TRPS1: variants seen among roughly 807,000 people sequenced by gnomAD.
TRPS1 encodes zinc finger transcription factor Trps1.
Under a neutral mutation model 101.2 loss-of-function variants are expected in TRPS1, and 6 were observed. That is an observed-to-expected ratio of 0.06 (90% CI 0.03 to 0.12). TRPS1 has a LOEUF of 0.12. Ranked by LOEUF, TRPS1 falls within the 10% of genes least tolerant of loss-of-function variation. The pLI is 1.00. For synonymous variants in TRPS1, 578 were observed against 589.8 expected (o/e 0.98, Z 0.29); for missense variants, 1,363 against 1,567.0 (o/e 0.87, Z 2.20).
At chr8:115,537,580 T>C (rs1159727712) in intron 5 of TRPS1, among the ~76,000 whole-genome samples, 2 of 152,310 alleles carry the variant, frequency 1.3e-5, no homozygotes, top group South Asian at 2.1e-4. Context: ...ATAACTTGTC[T>C]TCTGATAATG....
intron 5 of TRPS1, among the ~76,000 whole-genome samples, chr8:115,543,970 T>C (rs1379428484): frequency 6.6e-6 from 1 of 152,092 alleles, no homozygotes; most frequent in African/African-American, 2.4e-5. Flanking sequence ...CATTAAGACA[T>C]GGAATTTAAA....
At chr8:115,553,221 T>A (rs1024637345) in intron 5 of TRPS1, among the ~76,000 whole-genome samples, 1 of 152,040 alleles carries the variant, frequency 6.6e-6, no homozygotes, top group Non-Finnish European at 1.5e-5. Flanking sequence ...AAGTAGTATT[T>A]TTTGTTGCTT....
At chr8:115,453,018 C>A (rs1042130964) in intron 5 of TRPS1, among the ~76,000 whole-genome samples, 2 of 151,938 alleles carry the variant, frequency 1.3e-5, no homozygotes, top group African/African-American at 4.8e-5. Context: ...GCTTGTCCTC[C>A]ACTTTCAATT....
In TRPS1 at chr8:115,418,482, A is replaced by G. The variant is rs1812976167; in HGVS notation, c.2701-30T>C. ...AACAGGGGAAAAAAACCAAGGTCAG[A>G]GGTGAGTCACATGATCAGTGGAGTT... On this transcript the variant is annotated intron_variant, in intron 5 of 6. Transcript: ENST00000395715. The surrounding 1 kb of genome is among the most constrained non-coding windows in gnomAD (Gnocchi z 4.3). The G allele has an allele frequency of 5.0e-6, 8 of 1,613,928 alleles. No individual in the cohort carries two copies. The highest frequency in any genetic ancestry group is 6.8e-6 in the Non-Finnish European group (8 of 1,179,934).
chr8:115,458,184 G>A (rs993211053), intron 5 of TRPS1, among the ~76,000 whole-genome samples: 3 of 152,134 alleles, frequency 2.0e-5, no homozygotes, highest in African/African-American at 7.2e-5. Context: ...CGATTTGGTA[G>A]ATAACAGAAT....
chr8:115,531,347 G>A (rs1816127242), intron 5 of TRPS1, among the ~76,000 whole-genome samples: 2 of 151,984 alleles, frequency 1.3e-5, no homozygotes, highest in Non-Finnish European at 1.5e-5. Context: ...TTTGCAAATC[G>A]GGTCACTAGA....
At chr8:115,606,924 C>G (rs183318837) in intron 3 of TRPS1, among the ~76,000 whole-genome samples, 1 of 151,912 alleles carries the variant, frequency 6.6e-6, no homozygotes. Context: ...GTATCCCCTT[C>G]TTTAACACAG....
At chr8:115,432,002 T>C (rs563413115) in intron 5 of TRPS1, among the ~76,000 whole-genome samples, 14 of 151,926 alleles carry the variant, frequency 9.2e-5, no homozygotes, top group Middle Eastern at 3.4e-3. Flanking sequence ...ACACATATAT[T>C]CCTTAGCTTT....
chr8:115,429,654 C>T (rs1213486528), intron 5 of TRPS1, among the ~76,000 whole-genome samples: 1 of 152,150 alleles, frequency 6.6e-6, no homozygotes, highest in Non-Finnish European at 1.5e-5. Flanking sequence ...AAAACCGAGA[C>T]CTGGCAGCCC....
At chr8:115,648,192 C>A (rs1811465407) in intron 1 of TRPS1, among the ~76,000 whole-genome samples, 1 of 152,018 alleles carries the variant, frequency 6.6e-6, no homozygotes, top group South Asian at 2.1e-4. Context: ...GAAGGGCAGG[C>A]TGGCCAGGGG....
Position 115,604,441 on chromosome 8 carries a change from T to C in TRPS1, c.1528A>G (p.Lys510Glu). The change falls in exon 4 of 7, where the codon AAG becomes GAG. Residue 510 changes from lysine to glutamate, a missense_variant. Physicochemically the swap from Lys to Glu is moderately conservative, Grantham distance 56 (BLOSUM62 1). Around this residue, in one of 5 missense-constraint regions of TRPS1, gnomAD observed 1,020 missense variants for 1,073.0 expected, o/e 0.95. Transcript: ENST00000395715. This position sits in a 1 kb window ranked among gnomAD's most constrained non-coding sequence, Gnocchi z 4.1. ...AKSSEGETMT[K>E]TDKSSSGAKK... ...GCCCCACTCGAGCTCTTGTCTGTCT[T>C]GGTCATTGTCTCTCCTTCTGAACTT... 6.2e-7 allele frequency: 1 copy of C among 1,614,100 alleles called. No individual in the cohort carries two copies. The highest frequency in any genetic ancestry group is 8.5e-7 in the Non-Finnish European group (1 of 1,179,990).
At chr8:115,637,233 C>T (rs1818790534) in intron 1 of TRPS1, 1 of 984,734 alleles carries the variant, frequency 1.0e-6, no homozygotes, top group Non-Finnish European at 1.2e-6. Flanking sequence ...AAATGGCTCA[C>T]ATGGAAGACG....
intron 5 of TRPS1, among the ~76,000 whole-genome samples, chr8:115,480,686 A>G (rs942842133): frequency 6.6e-6 from 1 of 152,090 alleles, no homozygotes; most frequent in African/African-American, 2.4e-5. Flanking sequence ...TTCGGCATAC[A>G]TATATCTCTA....
rs1010696687 is a variant in TRPS1, at chr8:115,638,209, A to G, written c.-121-14451T>C. Among the ~76,000 whole-genome samples the G allele has an allele frequency of 5.3e-5, 8 of 152,200 alleles. No homozygotes were observed. In the South Asian group the frequency reaches 1.2e-3, roughly 24 times the overall value. On this transcript the variant is annotated intron_variant, in intron 1 of 6. Coordinates refer to ENST00000395715, the MANE Select transcript of TRPS1 (RefSeq NM_014112.5). The stretch of plus-strand genomic sequence containing the variant: ...AGATTTAGGTGCTAAAGGTTAATCT[A>G]AAATTCCATTTTACACCAAAACTCC...
At chr8:115,642,784 C>T (rs1818931340) in intron 1 of TRPS1, among the ~76,000 whole-genome samples, 1 of 149,436 alleles carries the variant, frequency 6.7e-6, no homozygotes, top group South Asian at 2.1e-4. Context: ...TTATTATTCC[C>T]CAAAAAGACA....
At position 115,411,349 on chromosome 8, in the gene TRPS1, G is replaced by A. The variant is rs572591069; in HGVS notation, c.*2674C>T. On this transcript the variant is annotated 3_prime_UTR_variant, in exon 7 of 7. Coordinates refer to ENST00000395715, the MANE Select transcript of TRPS1 (RefSeq NM_014112.5). ...AAAAATAAAGAACCTATTTGTGTCC[G>A]ACACACTAGAGAAATTGCTTAATGA... 5.8e-4 allele frequency: 88 copies of A among 152,306 alleles called. No individual in the cohort carries two copies. The highest frequency in any genetic ancestry group is 2.0e-3 in the African/African-American group (82 of 41,518). The allele number at this position is 152,306 out of a possible 1,614,324, so 9.4% of individuals were successfully genotyped here. A position where few individuals can be genotyped will look rare whatever the true frequency, so the allele number is the denominator to read the frequency against.
chr8:115,576,286 T>TATAG (rs1368811732), intron 5 of TRPS1, among the ~76,000 whole-genome samples: 55 of 130,682 alleles, frequency 4.2e-4, no homozygotes, highest in East Asian at 1.7e-3. Flanking sequence ...TTCATATATA[T>TATAG]ATATAGATAT....
At chr8:115,461,087 C>T (rs965987960) in intron 5 of TRPS1, among the ~76,000 whole-genome samples, 3 of 152,062 alleles carry the variant, frequency 2.0e-5, no homozygotes, top group Non-Finnish European at 2.9e-5. Flanking sequence ...GGCAGAATCA[C>T]CTCTGCATGT....
chr8:115,528,276 C>T (rs1425286370), intron 5 of TRPS1, among the ~76,000 whole-genome samples: 1 of 151,926 alleles, frequency 6.6e-6, no homozygotes, highest in African/African-American at 2.4e-5. Context: ...TTATTGTGTA[C>T]CTATTTATCA....
Sources: allele counts gnomAD v4.1 joint callset (sites outside exome capture counted in the v4.1 genomes callset), GRCh38; gene constraint gnomAD v4.1.1; regional missense constraint gnomAD v4.1.1; non-coding constraint Gnocchi (gnomAD v3.1); transcripts MANE v1.5; gene names NCBI Gene and HGNC (gene_info 2026-07-23, HGNC 2026-07-21).